TRAPPC9: variants seen among roughly 807,000 people sequenced by gnomAD.
The protein encoded by TRAPPC9 is trafficking protein particle complex subunit 9.
A neutral mutation model predicts 124.0 loss-of-function variants in TRAPPC9; 83 were observed. That is an observed-to-expected ratio of 0.67 (90% confidence interval 0.56 to 0.80). The LOEUF is 0.80. Ranked by LOEUF, TRAPPC9 falls within the 30% of genes least tolerant of loss-of-function variation. The probability of loss-of-function intolerance (pLI) is 0.00; values close to 1 mark genes in which losing one functional copy is unlikely to be tolerated. For missense variants in TRAPPC9, 1,302 were observed against 1,508.3 expected, an observed-to-expected ratio of 0.86 and a Z score of 2.27; for synonymous variants, 638 against 617.5, an observed-to-expected ratio of 1.03 and a Z score of -0.49.
At chr8:139,744,565 G>A (rs1053785468) in intron 21 of TRAPPC9, among the ~76,000 whole-genome samples, 12 of 152,298 alleles carry the variant, frequency 7.9e-5, no homozygotes, top group East Asian at 3.9e-4. Flanking sequence ...CTACACTCCC[G>A]CTGACCCCAT....
chr8:139,872,029 T>C (rs867839299), intron 21 of TRAPPC9, among the ~76,000 whole-genome samples: 3 of 152,014 alleles, frequency 2.0e-5, no homozygotes, highest in Non-Finnish European at 4.4e-5. Context: ...GGTAAATGGT[T>C]GGATAAGTGG....
At chr8:140,385,131 G>A (rs2132313198) in intron 7 of TRAPPC9, among the ~76,000 whole-genome samples, 1 of 152,296 alleles carries the variant, frequency 6.6e-6, no homozygotes, top group Non-Finnish European at 1.5e-5. Context: ...TGAGAACAAA[G>A]ACACAACATA....
At chr8:139,836,085 C>T (rs1006445547) in intron 21 of TRAPPC9, among the ~76,000 whole-genome samples, 1 of 152,174 alleles carries the variant, frequency 6.6e-6, no homozygotes, top group African/African-American at 2.4e-5. Context: ...TTCAGCGCAG[C>T]GCAGCCTCCA....
chr8:140,125,916 T>C (rs944931497), intron 17 of TRAPPC9, among the ~76,000 whole-genome samples: 12 of 152,200 alleles, frequency 7.9e-5, no homozygotes, highest in Admixed American at 6.5e-4. Context: ...CCAGAGCCCA[T>C]TGAGAGGAGG....
intron 12 of TRAPPC9, among the ~76,000 whole-genome samples, chr8:140,288,308 C>T (rs941146309): frequency 2.0e-5 from 3 of 152,184 alleles, no homozygotes; most frequent in African/African-American, 4.8e-5. Flanking sequence ...TGCACTCCAG[C>T]GTGGGGGACA....
intron 7 of TRAPPC9, 102 bp from the exon 8 acceptor site, chr8:140,371,282 G>T: frequency 8.4e-7 from 1 of 1,193,306 alleles, no homozygotes; most frequent in Non-Finnish European, 1.2e-6. Flanking sequence ...GACCTGAGGA[G>T]AATCGAGGAG....
intron 2 of TRAPPC9, among the ~76,000 whole-genome samples, chr8:140,442,702 T>A (rs2071065835): frequency 6.6e-6 from 1 of 152,040 alleles, no homozygotes; most frequent in African/African-American, 2.4e-5. Flanking sequence ...AAAAACAATT[T>A]ATCTGGCAAA....
chr8:140,392,596 C>A (rs1588271864), intron 7 of TRAPPC9, among the ~76,000 whole-genome samples: 1 of 152,240 alleles, frequency 6.6e-6, no homozygotes, highest in Non-Finnish European at 1.5e-5. Context: ...TCAAGGCTAG[C>A]AGACGACGGA....
intron 4 of TRAPPC9, among the ~76,000 whole-genome samples, chr8:140,427,301 G>A (rs1186367356): frequency 6.6e-6 from 1 of 151,650 alleles, no homozygotes; most frequent in African/African-American, 2.4e-5. Flanking sequence ...CTAGAATGGG[G>A]GAGAAAAGGT....
At chr8:139,904,054 C>T (rs1831186876) in intron 20 of TRAPPC9, among the ~76,000 whole-genome samples, 1 of 152,024 alleles carries the variant, frequency 6.6e-6, no homozygotes, top group Non-Finnish European at 1.5e-5. Context: ...CGATTATACA[C>T]AGCACTTGGG....
At chr8:140,455,493 C>T (rs944517469) in intron 1 of TRAPPC9, among the ~76,000 whole-genome samples, 3 of 149,022 alleles carry the variant, frequency 2.0e-5, no homozygotes, top group Non-Finnish European at 4.5e-5. Context: ...AGCAGTGGCG[C>T]GATCTCGGCT....
rs367672135 is a variant in TRAPPC9 at position 140,296,061 on chromosome 8, C to T, written c.1768+4408G>A. On this transcript the variant is annotated intron_variant, in intron 11 of 22. Transcript: ENST00000438773. ...GAGTCCTGCAACCTGGCATGGAGCC[C>T]GGGGAATGTCACTGATAAGCTATCT... Among the ~76,000 whole-genome samples, 4 of 152,190 alleles carry T rather than the reference C, an allele frequency of 2.6e-5. No homozygotes were observed. In the South Asian group the frequency reaches 6.2e-4, roughly 24 times the overall value.
chr8:140,020,094 C>A (rs1235426960), intron 18 of TRAPPC9, among the ~76,000 whole-genome samples: 1 of 152,110 alleles, frequency 6.6e-6, no homozygotes, highest in African/African-American at 2.4e-5. Context: ...CCACCTCTTT[C>A]ATTCTCATTA....
chr8:139,849,650 G>A (rs1032533373), intron 21 of TRAPPC9, among the ~76,000 whole-genome samples: 15 of 152,212 alleles, frequency 9.9e-5, no homozygotes, highest in African/African-American at 3.6e-4. Context: ...GGACACTGTT[G>A]TGGTAACACC....
At chr8:139,754,685 T>G (rs1586768867) in intron 21 of TRAPPC9, among the ~76,000 whole-genome samples, 1 of 152,174 alleles carries the variant, frequency 6.6e-6, no homozygotes, top group East Asian at 1.9e-4. Flanking sequence ...CTTCCTCCTC[T>G]CCTTCCCACC....
At chr8:140,293,953 T>C (rs1019512933) in intron 11 of TRAPPC9, among the ~76,000 whole-genome samples, 2 of 152,054 alleles carry the variant, frequency 1.3e-5, no homozygotes, top group African/African-American at 4.8e-5. Flanking sequence ...TGCACCACCA[T>C]GTACTCATCT....
At chr8:139,807,639 C>G (rs1824161171) in intron 21 of TRAPPC9, among the ~76,000 whole-genome samples, 1 of 152,114 alleles carries the variant, frequency 6.6e-6, no homozygotes, top group African/African-American at 2.4e-5. Flanking sequence ...TGAAGCGGGT[C>G]CTCCACAAAA....
intron 20 of TRAPPC9, among the ~76,000 whole-genome samples, chr8:139,892,320 G>A (rs1242624972): frequency 6.6e-6 from 1 of 152,186 alleles, no homozygotes; most frequent in African/African-American, 2.4e-5. Context: ...GTAGAGGGAG[G>A]GGAGCACCAA....
intron 18 of TRAPPC9, among the ~76,000 whole-genome samples, chr8:140,021,424 C>T (rs1282651462): frequency 6.6e-6 from 1 of 152,176 alleles, no homozygotes; most frequent in Non-Finnish European, 1.5e-5. Context: ...TGCATATGTG[C>T]TATACACTAC....
Sources: allele counts gnomAD v4.1 joint callset (sites outside exome capture counted in the v4.1 genomes callset), GRCh38; gene constraint gnomAD v4.1.1; transcripts MANE v1.5; gene names NCBI Gene and HGNC (gene_info 2026-07-23, HGNC 2026-07-21).